Variants in MORC4 observed in about 807,000 individuals in gnomAD.
MORC4 encodes the protein MORC family CW-type zinc finger protein 4.
MORC4 carries 22 observed loss-of-function variants against 65.5 expected under a neutral mutation model. That is an observed-to-expected ratio of 0.34 (90% confidence interval 0.24 to 0.48). MORC4 has a LOEUF of 0.48. Among genes scored for constraint, MORC4 ranks in the 20% least tolerant of loss-of-function variants. The pLI, the probability that MORC4 is intolerant of heterozygous loss-of-function variation, is 0.99. For synonymous variants in MORC4, 267 were observed against 255.8 expected (o/e 1.04, Z -0.42); for missense variants, 624 against 703.0 (o/e 0.89, Z 1.27).
At chrX:106,969,470 A>G (rs375592056) in intron 9 of MORC4, among the ~76,000 whole-genome samples, 2 of 112,070 alleles carry the variant, frequency 1.8e-5, no homozygotes, top group African/African-American at 6.5e-5. Context: ...AGAAATAACT[A>G]AGATCAGAGC....
At chrX:106,947,389 G>A (rs1933855107) in intron 14 of MORC4, among the ~76,000 whole-genome samples, 1 of 107,425 alleles carries the variant, frequency 9.3e-6, no homozygotes, top group South Asian at 4.1e-4. Context: ...AAGTCTTCTA[G>A]TTCCTTGTTG....
intron 8 of MORC4, among the ~76,000 whole-genome samples, chrX:106,977,145 T>C (rs1387767173): frequency 8.9e-6 from 1 of 112,033 alleles, no homozygotes; most frequent in Non-Finnish European, 1.9e-5. Context: ...TTTTCCCACA[T>C]ACATAGGCCA....
Position 106,940,844 on chromosome X carries a change from C to G in MORC4, c.*635G>C, listed in dbSNP as rs1933655478. 1 of 111,485 alleles carries G rather than the reference C, an allele frequency of 9.0e-6. No homozygotes were observed. Among genetic ancestry groups the G allele is most frequent in the Admixed American group, 9.5e-5 (1 of 10,472 alleles). 9.2% of individuals were successfully genotyped at this position (111,485 alleles called of 1,213,427 possible). A position where few individuals can be genotyped will look rare whatever the true frequency, so the allele number is the denominator to read the frequency against. ...GAAGAAGAAAAATATCAACCATAGT[C>G]CTACCACCTAAAGAACACTCACTGA... is the stretch of plus-strand genomic sequence containing the variant. On this transcript the variant is annotated 3_prime_UTR_variant, in exon 17 of 17. Transcript: ENST00000355610.
At chrX:106,976,053 C>T (rs891399471) in intron 9 of MORC4, among the ~76,000 whole-genome samples, 2 of 111,237 alleles carry the variant, frequency 1.8e-5, no homozygotes, top group Non-Finnish European at 3.8e-5. Context: ...GCTTTAAAAA[C>T]TCCTTTCGAA....
At position 106,942,943 on chromosome X, in the gene MORC4, T is replaced by C; in HGVS notation, c.1948A>G (p.Lys650Glu). The C allele has an allele frequency of 1.7e-6, 2 of 1,211,939 alleles. No individual in the cohort carries two copies. Among genetic ancestry groups the C allele is most frequent in the Non-Finnish European group, 2.2e-6 (2 of 895,517 alleles). ...AGCAGGGACCCCTGGCGTTGGTCTT[T>C]GGCCCCTGGATACAGAATTGAAACC... ...REVSILYPGA[K>E]DQRQGSLLPE... Residue 650 changes from lysine (K) to glutamate (E), a missense_variant, in exon 15 of 17, where the codon AAA becomes GAA. Lys to Glu is a moderately conservative substitution (Grantham distance 56, BLOSUM62 1). Transcript: ENST00000355610.
chrX:106,989,894 T>C (rs1388740780), intron 3 of MORC4, among the ~76,000 whole-genome samples: 1 of 74,329 alleles, frequency 1.3e-5, no homozygotes, highest in Non-Finnish European at 2.5e-5. Flanking sequence ...CCAGAAAACA[T>C]AGAATCCTTC....
chrX:106,974,363 A>G (rs1051523447), intron 9 of MORC4, among the ~76,000 whole-genome samples: 12 of 111,280 alleles, frequency 1.1e-4, no homozygotes, highest in Non-Finnish European at 1.7e-4. Context: ...CCTTCACTCT[A>G]GCTATATCCT....
chrX:106,957,309 T>C (rs1236674045), intron 11 of MORC4, among the ~76,000 whole-genome samples: 2 of 111,882 alleles, frequency 1.8e-5, no homozygotes, highest in Non-Finnish European at 3.8e-5. Flanking sequence ...TGCAAGGTTA[T>C]GTCTCCTGTA....
At chrX:106,956,804 G>A in intron 12 of MORC4, 132 bp downstream of exon 12, 2 of 498,656 alleles carry the variant, frequency 4.0e-6, no homozygotes, top group Admixed American at 6.2e-5. Context: ...AAAGAACTGG[G>A]AGAGCAGAGA....
At chrX:106,941,697 T>TGGTG in intron 16 of MORC4, 65 bp from the exon 17 acceptor site, 1 of 1,069,846 alleles carries the variant, frequency 9.3e-7, no homozygotes, top group Non-Finnish European at 1.3e-6. Flanking sequence ...CAGAATAAAA[T>TGGTG]GAAGCCCCTT....
chrX:106,976,460 C>A, intron 9 of MORC4, 124 bp downstream of exon 9: 1 of 426,559 alleles, frequency 2.3e-6, no homozygotes, highest in Non-Finnish European at 4.1e-6. Flanking sequence ...TCTTGGAAAA[C>A]AAATTTGAAG....
intron 8 of MORC4, among the ~76,000 whole-genome samples, chrX:106,977,424 A>C (rs1341456332): frequency 8.9e-6 from 1 of 111,805 alleles, no homozygotes; most frequent in East Asian, 2.8e-4. Flanking sequence ...TCTTATCTGT[A>C]AAATAGGAAT....
intron 9 of MORC4, among the ~76,000 whole-genome samples, chrX:106,974,303 C>G (rs1360316847): frequency 9.0e-6 from 1 of 111,440 alleles, no homozygotes; most frequent in Non-Finnish European, 1.9e-5. Flanking sequence ...AAAAGTTTAC[C>G]AACTGCTGCT....
chrX:106,999,048 AAGGGATC>A (rs1371172917), intron 2 of MORC4, among the ~76,000 whole-genome samples: 1 of 112,030 alleles, frequency 8.9e-6, no homozygotes, highest in African/African-American at 3.2e-5. Flanking sequence ...AATTGGCTTG[AAGGGATC>A]AACTGAAAAC....
chrX:106,998,527 C>T (rs1287345762), intron 2 of MORC4, among the ~76,000 whole-genome samples: 5 of 111,992 alleles, frequency 4.5e-5, no homozygotes, highest in Non-Finnish European at 9.4e-5. Flanking sequence ...CTTTTTGCTC[C>T]CTTGTAGTCT....
intron 14 of MORC4, among the ~76,000 whole-genome samples, chrX:106,951,752 C>A (rs959184238): frequency 9.0e-6 from 1 of 110,682 alleles, no homozygotes; most frequent in Non-Finnish European, 1.9e-5. Context: ...AATCCCAGCA[C>A]TTTGGGAGGC....
intron 9 of MORC4, among the ~76,000 whole-genome samples, chrX:106,967,081 G>A (rs371543597): frequency 2.6e-4 from 29 of 111,410 alleles, no homozygotes; most frequent in East Asian, 2.3e-3. Context: ...ATACAGGCAG[G>A]TGCCCCTCTG....
At chrX:106,978,925 G>A (rs1248518596) in intron 7 of MORC4, among the ~76,000 whole-genome samples, 1 of 111,226 alleles carries the variant, frequency 9.0e-6, no homozygotes. Context: ...TAACAAGCTT[G>A]GATAAATGAA....
intron 2 of MORC4, among the ~76,000 whole-genome samples, chrX:106,996,681 T>C (rs1445100375): frequency 1.8e-5 from 2 of 111,727 alleles, no homozygotes; most frequent in Non-Finnish European, 3.8e-5. Flanking sequence ...TGCCCACCAC[T>C]TAGGTGAGAA....
Sources: allele counts gnomAD v4.1 joint callset (sites outside exome capture counted in the v4.1 genomes callset), GRCh38; gene constraint gnomAD v4.1.1; transcripts MANE v1.5; gene names NCBI Gene and HGNC (gene_info 2026-07-23, HGNC 2026-07-21).